The following SLC6A4 variants were observed in gnomAD, a reference collection of about 807,000 sequenced individuals.
SLC6A4 encodes solute carrier family 6 member 4, also known as sodium-dependent serotonin transporter.
In SLC6A4, 22 loss-of-function variants were observed where a neutral mutation model predicts 73.4. That is an observed-to-expected ratio of 0.30 (90% CI 0.21 to 0.43). SLC6A4 has a LOEUF of 0.43. Ranked by LOEUF, SLC6A4 falls within the 20% of genes least tolerant of loss-of-function variation. The pLI, the probability that SLC6A4 is intolerant of heterozygous loss-of-function variation, is 1.00. For missense variants in SLC6A4, 593 were observed against 808.5 expected (o/e 0.73, Z 3.23); for synonymous variants, 270 against 315.5 (o/e 0.86, Z 1.53).
intron 6 of SLC6A4, 65 bp downstream of exon 6, chr17:30,217,101 G>A: frequency 6.8e-7 from 1 of 1,477,538 alleles, no homozygotes; most frequent in Non-Finnish European, 9.3e-7. Flanking sequence ...AGGCTACTGG[G>A]TTTTGAGTTT....
chr17:30,210,579 C>T lies in SLC6A4; in HGVS notation c.1385G>A (p.Arg462Gln), dbSNP rs748005133. Reference sequence around the variant, plus strand: ...GACCACGGCGAGCACGAACCGCTCCCGGCGCTTGGCCCAGACGTGTGGGAA... The same window carrying T: ...GACCACGGCGAGCACGAACCGCTCCTGGCGCTTGGCCCAGACGTGTGGGAA... Reference protein sequence around the residue: ...DEFPHVWAKRRERFVLAVVIT... With the variant: ...DEFPHVWAKRQERFVLAVVIT... Residue 462 changes from arginine to glutamine, a missense_variant, in exon 11 of 15, where the codon CGG becomes CAG. By Grantham distance (43) the Arg-to-Gln change is conservative (BLOSUM62 1). Transcript: ENST00000650711. The T allele has an allele frequency of 1.1e-5, 17 of 1,613,742 alleles. No homozygotes were observed. Among genetic ancestry groups the T allele is most frequent in the Admixed American group, 1.0e-4 (6 of 59,988 alleles).
Position 30,222,039 on chromosome 17 carries a change from C to T in SLC6A4, c.-81G>A. 6.2e-7 allele frequency: 1 copy of T among 1,603,116 alleles called. No homozygotes were observed. ...CTGGGTGCTTGGATTTGTGGATCAC[C>T]TCCGAGCTCTCTATCGTCGGGATTG... On this transcript the variant is annotated 5_prime_UTR_variant, in exon 3 of 15. Coordinates refer to ENST00000650711, the MANE Select transcript of SLC6A4 (RefSeq NM_001045.6).
chr17:30,227,475 TTGTG>T (rs377239184), intron 1 of SLC6A4, among the ~76,000 whole-genome samples: 1 of 150,674 alleles, frequency 6.6e-6, no homozygotes, highest in Non-Finnish European at 1.5e-5. Flanking sequence ...GTGTGTGTGT[TTGTG>T]TGTGTGTGTG....
chr17:30,202,539 T>C (rs1483925392), intron 14 of SLC6A4, among the ~76,000 whole-genome samples: 2 of 152,194 alleles, frequency 1.3e-5, no homozygotes, highest in Non-Finnish European at 2.9e-5. Flanking sequence ...ATAATCGACA[T>C]GCAGATGCTT....
At chr17:30,210,669 C>T in intron 10 of SLC6A4, 23 bp from the exon 11 acceptor site, 1 of 1,602,500 alleles carries the variant, frequency 6.2e-7, no homozygotes, top group Admixed American at 1.7e-5. Context: ...GGCAAGCAGT[C>T]ACGGTGGAGG....
chr17:30,215,619 G>A lies in SLC6A4; in HGVS notation c.1068C>T (p.Asn356=). The A allele has an allele frequency of 6.2e-7, 1 of 1,613,322 alleles. No individual in the cohort carries two copies. The highest frequency in any genetic ancestry group is 1.7e-5 in the Admixed American group (1 of 60,032). Residue 356 remains asparagine (N), a synonymous_variant, in exon 8 of 15, where the codon AAC becomes AAT. Coordinates refer to ENST00000650711, the MANE Select transcript of SLC6A4 (RefSeq NM_001045.6). ...AFASYNKFNN[N]CYQDALVTSV... is the part of the protein sequence containing the mutation. Reference sequence around the variant, plus strand: ...GGACCCCAGATACTCACTGGTAGCAGTTGTTGTTGAACTTGTTGTAGCTAG... The same window carrying A: ...GGACCCCAGATACTCACTGGTAGCAATTGTTGTTGAACTTGTTGTAGCTAG...
chr17:30,200,374 A>G (rs1905995148), intron 14 of SLC6A4, among the ~76,000 whole-genome samples: 1 of 152,220 alleles, frequency 6.6e-6, no homozygotes, highest in South Asian at 2.1e-4. Flanking sequence ...ATTCCTCTTC[A>G]TATCTTCATA....
chr17:30,209,267 T>A, intron 11 of SLC6A4, 25 bp from the exon 12 acceptor site: 1 of 1,481,134 alleles, frequency 6.8e-7, no homozygotes, highest in Non-Finnish European at 9.4e-7. Flanking sequence ...AGAGCCTGGG[T>A]GAGGGCCCTC....
chr17:30,232,265 G>A (rs1247565425), intron 1 of SLC6A4, among the ~76,000 whole-genome samples: 1 of 152,194 alleles, frequency 6.6e-6, no homozygotes, highest in Admixed American at 6.5e-5. Flanking sequence ...CACACAATGG[G>A]TTCGCTGTGT....
chr17:30,229,714 A>G (rs1474874518), intron 1 of SLC6A4, among the ~76,000 whole-genome samples: 1 of 151,666 alleles, frequency 6.6e-6, no homozygotes, highest in Non-Finnish European at 1.5e-5. Context: ...CGCCTGGTCC[A>G]AGTTCTTTAG....
intron 3 of SLC6A4, 34 bp from the exon 4 acceptor site, chr17:30,218,965 C>T (rs765217587): frequency 1.9e-6 from 3 of 1,612,512 alleles, no homozygotes; most frequent in Non-Finnish European, 1.7e-6. Context: ...CACTCCCTGC[C>T]CACGTCTGTC....
At chr17:30,230,122 AGAGGAGGAGGAG>A (rs111715707) in intron 1 of SLC6A4, among the ~76,000 whole-genome samples, 1 of 123,584 alleles carries the variant, frequency 8.1e-6, no homozygotes, top group African/African-American at 3.1e-5. Flanking sequence ...AGGAAGAGGA[AGAGGAGGAGGAG>A]GAGGAGGAGG....
At position 30,195,580 on chromosome 17, in the gene SLC6A4, C is replaced by G. The variant is rs901511313; in HGVS notation, c.*2876G>C. The G allele has an allele frequency of 6.6e-6, 1 of 151,994 alleles. No homozygotes were observed. Among genetic ancestry groups the G allele is most frequent in the Non-Finnish European group, 1.5e-5 (1 of 67,988 alleles). The allele number at this position is 151,994 out of a possible 1,614,324, so 9.4% of individuals were successfully genotyped here. On this transcript the variant is annotated 3_prime_UTR_variant, in exon 15 of 15. Coordinates refer to ENST00000650711, the MANE Select transcript of SLC6A4 (RefSeq NM_001045.6). ...CTGGTGGAGAGGGTATTATTTCACT[C>G]TAGCAGAGGAAATAAAACTCCAGTT...
intron 1 of SLC6A4, among the ~76,000 whole-genome samples, chr17:30,230,833 G>A (rs1336310849): frequency 1.3e-5 from 2 of 152,148 alleles, no homozygotes; most frequent in Non-Finnish European, 2.9e-5. Flanking sequence ...TCAGCCACAA[G>A]GTGTTTGGAG....
At chr17:30,210,713 A>G (rs1906360167) in intron 10 of SLC6A4, 67 bp from the exon 11 acceptor site, 1 of 1,528,006 alleles carries the variant, frequency 6.5e-7, no homozygotes, top group South Asian at 1.3e-5. Context: ...CAGGACAGTG[A>G]ACAGGAGGGA....
At chr17:30,231,683 T>A (rs908026149) in intron 1 of SLC6A4, among the ~76,000 whole-genome samples, 2 of 152,206 alleles carry the variant, frequency 1.3e-5, no homozygotes, top group Non-Finnish European at 2.9e-5. Context: ...ATTTTTCAGT[T>A]GAAAATTTTC....
chr17:30,226,872 C>CAAA (rs9303630), intron 1 of SLC6A4, among the ~76,000 whole-genome samples: 16 of 112,312 alleles, frequency 1.4e-4, no homozygotes, highest in South Asian at 8.2e-4. Context: ...GACTCTGTCT[C>CAAA]AAAAAAAAAA....
chr17:30,199,950 G>T (rs1200526278), intron 14 of SLC6A4, among the ~76,000 whole-genome samples: 1 of 151,368 alleles, frequency 6.6e-6, no homozygotes, highest in African/African-American at 2.4e-5. Context: ...CCAGGCTGGA[G>T]TGCAGTGGCA....
rs1906358135 is a variant in SLC6A4, at chr17:30,210,651, G to C, written c.1318-5C>G. 2 of 1,611,258 alleles carry C rather than the reference G, an allele frequency of 1.2e-6. No individual in the cohort carries two copies. The highest frequency in any genetic ancestry group is 2.2e-5 in the South Asian group (2 of 90,724). ...CACCCCCTCCAAGCCTGCAAACTGA[G>C]AGGTACAGGCAAGCAGTCACGGTGG... On this transcript the variant is annotated splice_polypyrimidine_tract_variant and splice_region_variant and intron_variant, in intron 10 of 14. Coordinates refer to ENST00000650711, the MANE Select transcript of SLC6A4 (RefSeq NM_001045.6).
Sources: allele counts gnomAD v4.1 joint callset (sites outside exome capture counted in the v4.1 genomes callset), GRCh38; gene constraint gnomAD v4.1.1; transcripts MANE v1.5; gene names NCBI Gene and HGNC (gene_info 2026-07-23, HGNC 2026-07-21).